Variants in SCML4 observed in about 807,000 individuals in gnomAD.
SCML4 encodes the protein Scm polycomb group protein like 4, also known as sex comb on midleg-like protein 4.
A neutral mutation model predicts 41.1 loss-of-function variants in SCML4; 34 were observed. That is an observed-to-expected ratio of 0.83 (90% CI 0.63 to 1.10). SCML4 has a LOEUF of 1.10. Among genes scored for constraint, SCML4 ranks in the 50% least tolerant of loss-of-function variants. SCML4 has a pLI of 0.00. For missense variants in SCML4, 522 were observed against 534.1 expected, an observed-to-expected ratio of 0.98 and a Z score of 0.22; for synonymous variants, 214 against 220.9, an observed-to-expected ratio of 0.97 and a Z score of 0.28.
At chr6:107,826,802 G>A (rs373823223), upstream of SCML4, among the ~76,000 whole-genome samples, 1 of 152,188 alleles carries the variant, frequency 6.6e-6, no homozygotes, top group Non-Finnish European at 1.5e-5. Flanking sequence ...GGTGGCTCAC[G>A]CCTGTAATCC....
chr6:107,806,864 G>A (rs546343745), intron 1 of SCML4, among the ~76,000 whole-genome samples: 19 of 152,202 alleles, frequency 1.2e-4, no homozygotes, highest in South Asian at 1.2e-3. Context: ...TGCCCACATG[G>A]TGCCTGCAGC....
At chr6:107,815,839 A>AT in intron 1 of SCML4, among the ~76,000 whole-genome samples, 1 of 152,336 alleles carries the variant, frequency 6.6e-6, no homozygotes, top group Non-Finnish European at 1.5e-5. Flanking sequence ...TATATTTGCA[A>AT]TAAAAATGGG....
At chr6:107,844,786 G>A in the SCML4 span, among the ~76,000 whole-genome samples, 3 of 151,938 alleles carry the variant, frequency 2.0e-5, no homozygotes, top group Non-Finnish European at 4.4e-5. Context: ...CCCTGGCTGG[G>A]CATGGTGGCT....
intron 1 of SCML4, among the ~76,000 whole-genome samples, chr6:107,781,822 A>G (rs148718325): frequency 7.2e-4 from 110 of 152,334 alleles, no homozygotes; most frequent in East Asian, 3.7e-3. Context: ...TCATAAGTAT[A>G]TGGAGACCAA....
intron 1 of SCML4, among the ~76,000 whole-genome samples, chr6:107,812,595 C>T (rs1413025138): frequency 6.6e-6 from 1 of 152,162 alleles, no homozygotes; most frequent in Non-Finnish European, 1.5e-5. Flanking sequence ...GGGGACTTCA[C>T]CCAATCCATC....
At chr6:107,842,756 T>C in the SCML4 span, among the ~76,000 whole-genome samples, 4 of 152,256 alleles carry the variant, frequency 2.6e-5, no homozygotes, top group African/African-American at 9.6e-5. Context: ...TGTTGGAATT[T>C]CCATCTGTAA....
chr6:107,719,827 C>T, intron 6 of SCML4: 4 of 910,074 alleles, frequency 4.4e-6, no homozygotes, highest in Non-Finnish European at 5.3e-6. Flanking sequence ...AGCATCTCAG[C>T]CCAGGCTGTC....
intron 5 of SCML4, among the ~76,000 whole-genome samples, chr6:107,741,896 C>T (rs559568812): frequency 1.7e-4 from 26 of 152,270 alleles, no homozygotes; most frequent in East Asian, 5.8e-4. Context: ...CAAGAAACAA[C>T]GGCTGACAGG....
At chr6:107,750,614 T>C (rs781654867) in intron 2 of SCML4, among the ~76,000 whole-genome samples, 11 of 152,192 alleles carry the variant, frequency 7.2e-5, no homozygotes, top group Non-Finnish European at 1.6e-4. Flanking sequence ...CTAGACCGAT[T>C]AAGTCAGTCT....
At chr6:107,711,504 A>G (rs1774213281) in intron 6 of SCML4, among the ~76,000 whole-genome samples, 1 of 152,252 alleles carries the variant, frequency 6.6e-6, no homozygotes. Flanking sequence ...AGACTATACC[A>G]TCTAGGTTTG....
At chr6:107,835,517 A>C in the SCML4 span, among the ~76,000 whole-genome samples, 2 of 152,144 alleles carry the variant, frequency 1.3e-5, no homozygotes, top group African/African-American at 4.8e-5. Context: ...AAAGAGGAGG[A>C]CTACTTGAGC....
intron 5 of SCML4, among the ~76,000 whole-genome samples, chr6:107,735,388 A>G (rs1184870579): frequency 5.3e-5 from 8 of 152,184 alleles, no homozygotes; most frequent in Admixed American, 1.3e-4. Context: ...GTGCAAAGGC[A>G]TCTGCAGGAA....
intron 6 of SCML4, among the ~76,000 whole-genome samples, chr6:107,713,824 C>T (rs1348834567): frequency 6.6e-6 from 1 of 152,182 alleles, no homozygotes; most frequent in Non-Finnish European, 1.5e-5. Flanking sequence ...AAGTGACCTG[C>T]TCCCACTAGA....
chr6:107,759,231 G>A (rs571310695), intron 2 of SCML4, among the ~76,000 whole-genome samples: 26 of 152,122 alleles, frequency 1.7e-4, no homozygotes, highest in African/African-American at 6.3e-4. Context: ...TTAGGAGGCT[G>A]AGGTAGGAAG....
chr6:107,744,086 G>A (rs1419713989), intron 5 of SCML4: 1 of 152,182 alleles, frequency 6.6e-6, no homozygotes, highest in African/African-American at 2.4e-5. Context: ...CGTAATAACT[G>A]GATTCCAGTT....
At chr6:107,723,783 C>T (rs1263655491) in intron 5 of SCML4, among the ~76,000 whole-genome samples, 2 of 152,164 alleles carry the variant, frequency 1.3e-5, no homozygotes, top group African/African-American at 2.4e-5. Flanking sequence ...GGGTGGAATA[C>T]TTCCCAGCTT....
chr6:107,822,016 T>C (rs558660818), intron 1 of SCML4, among the ~76,000 whole-genome samples: 2 of 152,358 alleles, frequency 1.3e-5, no homozygotes, highest in African/African-American at 4.8e-5. Context: ...TGTTATGATT[T>C]CAGGGAACTT....
At chr6:107,761,845 C>G (rs1489564248) in intron 2 of SCML4, among the ~76,000 whole-genome samples, 1 of 149,898 alleles carries the variant, frequency 6.7e-6, no homozygotes, top group Non-Finnish European at 1.5e-5. Context: ...AATAAAGATA[C>G]TTCTAAACAA....
intron 4 of SCML4, 181 bp downstream of exon 4, chr6:107,746,508 G>A (rs139259953): frequency 8.3e-5 from 45 of 539,180 alleles, no homozygotes; most frequent in Non-Finnish European, 8.5e-5. Flanking sequence ...CCCGGGCATG[G>A]AATCATCCTC....
Sources: allele counts gnomAD v4.1 joint callset (sites outside exome capture counted in the v4.1 genomes callset), GRCh38; gene constraint gnomAD v4.1.1; transcripts MANE v1.5; gene names NCBI Gene and HGNC (gene_info 2026-07-23, HGNC 2026-07-21).